RNH1: variants seen among roughly 807,000 people sequenced by gnomAD.
RNH1 encodes ribonuclease inhibitor.
A neutral mutation model predicts 46.1 loss-of-function variants in RNH1; 38 were observed. That is an observed-to-expected ratio of 0.82 (90% CI 0.64 to 1.08). The LOEUF (loss-of-function observed/expected upper bound fraction) is 1.08. Among genes scored for constraint, RNH1 ranks in the 50% least tolerant of loss-of-function variants. The pLI is 0.00. For missense variants in RNH1, 577 were observed against 590.7 expected (o/e 0.98, Z 0.24); for synonymous variants, 319 against 279.1 (o/e 1.14, Z -1.43).
chr11:499,798 G>A (rs555016961), intron 5 of RNH1, 31 bp downstream of exon 5: 1 of 1,589,770 alleles, frequency 6.3e-7, no homozygotes, highest in South Asian at 1.1e-5. Flanking sequence ...GCAGCGGCCA[G>A]CATGGGCCCT....
rs113777006 is a variant in RNH1, at chr11:503,353, G to A, written c.-87-1104C>T. The A allele has an allele frequency of 8.5e-3, 1,293 of 152,454 alleles. 22 individuals carry two copies. The highest frequency in any genetic ancestry group is 0.03 in the African/African-American group (1,232 of 41,532). 9.4% of individuals were successfully genotyped at this position (152,454 alleles called of 1,614,324 possible). On this transcript the variant is annotated intron_variant, in intron 2 of 10. Coordinates refer to ENST00000354420, the MANE Select transcript of RNH1 (RefSeq NM_203387.3). Reference sequence around the variant, plus strand: ...CTGTGTGCCTGGCACTCCTCTCCCCGGGGCTGCTTCAGAGGCGGCTGGTCC... The same window carrying A: ...CTGTGTGCCTGGCACTCCTCTCCCCAGGGCTGCTTCAGAGGCGGCTGGTCC...
intron 9 of RNH1, among the ~76,000 whole-genome samples, chr11:496,895 G>C (rs184482918): frequency 6.6e-6 from 1 of 152,410 alleles, no homozygotes; most frequent in African/African-American, 2.4e-5. Context: ...CTTCCAGGAA[G>C]ATGGACCACA....
At chr11:497,803 G>A (rs964109615) in intron 9 of RNH1, among the ~76,000 whole-genome samples, 168 bp downstream of exon 9, 2 of 150,156 alleles carry the variant, frequency 1.3e-5, no homozygotes, top group African/African-American at 4.9e-5. Context: ...GGACACCCAT[G>A]CTCACACTCA....
At position 501,976 on chromosome 11, in the gene RNH1, TC is replaced by T; in HGVS notation, c.101+85del. The T allele has an allele frequency of 1.2e-6, 1 of 821,254 alleles. No individual in the cohort carries two copies. Among genetic ancestry groups the T allele is most frequent in the Non-Finnish European group, 2.0e-6 (1 of 495,586 alleles). The allele number at this position is 821,254 out of a possible 1,614,324, so 50.9% of individuals were successfully genotyped here. On this transcript the variant is annotated intron_variant, in intron 3 of 10. Coordinates refer to ENST00000354420, the MANE Select transcript of RNH1 (RefSeq NM_203387.3). This position sits in a 1 kb window ranked among gnomAD's most constrained non-coding sequence, Gnocchi z 4.1. ...TACTTCATGTCCACAAACAAGGCGT[TC>T]CAGAGCAATGCACCCTTCAGAGGGA...
At chr11:496,853 G>A (rs1433605633) in intron 9 of RNH1, among the ~76,000 whole-genome samples, 4 of 152,248 alleles carry the variant, frequency 2.6e-5, no homozygotes, top group African/African-American at 7.2e-5. Flanking sequence ...TGACACAGGC[G>A]GGGTTCCCGC....
At chr11:495,187 C>T (rs1848948169) in intron 9 of RNH1, 134 bp from the exon 10 acceptor site, 2 of 865,092 alleles carry the variant, frequency 2.3e-6, no homozygotes, top group African/African-American at 1.7e-5. Context: ...GGGGCCGTCC[C>T]CAAGGCTCAC....
chr11:495,042 C>T lies in RNH1; in HGVS notation c.1139G>A (p.Cys380Tyr), dbSNP rs1424005337. The T allele has an allele frequency of 1.2e-6, 2 of 1,604,852 alleles. No homozygotes were observed. The highest frequency in any genetic ancestry group is 1.7e-6 in the Non-Finnish European group (2 of 1,176,518). Residue 380 changes from cysteine (C) to tyrosine (Y), a missense_variant, in exon 10 of 11, where the codon TGC (cysteine) becomes TAC (tyrosine). Coordinates refer to ENST00000354420, the MANE Select transcript of RNH1 (RefSeq NM_203387.3). ...GCTGCAGCTGCTGTCACTCACATCG[C>T]AGTCGGCCAACCTGGGTGAAGCAGG... ...SVLRVLWLAD[C>Y]DVSDSSCSSL...
rs1849418291 is a variant in RNH1, at chr11:498,823, A to C, written c.725T>G (p.Val242Gly). Reference sequence around the variant, plus strand: ...CCCTGGGCACAGCTCCGCCATGCCCACATCACCCAGCTTGTTGCTGCCCAG... The same window carrying C: ...CCCTGGGCACAGCTCCGCCATGCCCCCATCACCCAGCTTGTTGCTGCCCAG... ...LALGSNKLGDVGMAELCPGLL... is the reference protein window; with the variant it reads ...LALGSNKLGDGGMAELCPGLL... The change falls in exon 7 of 11, where the codon GTG becomes GGG. Residue 242 changes from valine (V) to glycine (G), a missense_variant. By Grantham distance (109) the Val-to-Gly change is moderately radical. Coordinates refer to ENST00000354420, the MANE Select transcript of RNH1 (RefSeq NM_203387.3). 1.9e-6 allele frequency: 3 copies of C among 1,609,980 alleles called. No homozygotes were observed. The highest frequency in any genetic ancestry group is 2.5e-6 in the Non-Finnish European group (3 of 1,179,686).
Position 499,104 on chromosome 11 carries a change from G to A in RNH1, c.525C>T (p.Leu175=). Residue 175 remains leucine (L), a synonymous_variant, in exon 6 of 11, where the codon CTC becomes CTT. Transcript: ENST00000354420. ...VLRAKPDFKE[L]TVSNNDINEA... Reference sequence around the variant, plus strand: ...CATTGATGTCGTTGTTGCTAACCGTGAGCTCCTTGAAGTCCGGCTTGGCCC... The same window carrying A: ...CATTGATGTCGTTGTTGCTAACCGTAAGCTCCTTGAAGTCCGGCTTGGCCC... 6.2e-7 allele frequency: 1 copy of A among 1,613,496 alleles called. No individual in the cohort carries two copies. Among genetic ancestry groups the A allele is most frequent in the African/African-American group, 1.3e-5 (1 of 75,034 alleles).
At chr11:497,775 TCA>T (rs1278755531) in intron 9 of RNH1, among the ~76,000 whole-genome samples, 194 bp downstream of exon 9, 1 of 150,384 alleles carries the variant, frequency 6.6e-6, no homozygotes, top group African/African-American at 2.5e-5. Context: ...GGACACGTGC[TCA>T]CTCTCACATG....
At chr11:505,544 C>G (rs1234107055) in intron 1 of RNH1, 3 of 152,180 alleles carry the variant, frequency 2.0e-5, no homozygotes, top group Admixed American at 6.5e-5. Flanking sequence ...TTGATTTTAA[C>G]CTCCTAAAAC....
intron 9 of RNH1, among the ~76,000 whole-genome samples, chr11:496,826 A>T (rs1322350588): frequency 6.6e-6 from 1 of 152,266 alleles, no homozygotes; most frequent in African/African-American, 2.4e-5. Context: ...AAAGAAAACA[A>T]ATCTGGAAAA....
Position 498,494 on chromosome 11 carries a change from T to C in RNH1, c.919A>G (p.Thr307Ala). ...AGCTGGCAGCCAGGTTCCAGCAGGG[T>C]CTCACACAGCAGTCGGGCACCCTCA... ...GDEGARLLCETLLEPGCQLES... is the reference protein window; with the variant it reads ...GDEGARLLCEALLEPGCQLES... Residue 307 changes from threonine (T) to alanine (A), a missense_variant, in exon 8 of 11, where the codon ACC becomes GCC. Coordinates refer to ENST00000354420, the MANE Select transcript of RNH1 (RefSeq NM_203387.3). 1 of 1,612,844 alleles carries C rather than the reference T, an allele frequency of 6.2e-7. No homozygotes were observed. Among genetic ancestry groups the C allele is most frequent in the Non-Finnish European group, 8.5e-7 (1 of 1,179,892 alleles).
At chr11:497,580 T>C (rs1453459134) in intron 9 of RNH1, among the ~76,000 whole-genome samples, 9 of 77,506 alleles carry the variant, frequency 1.2e-4, no homozygotes, top group Admixed American at 2.8e-4. Flanking sequence ...CACGTGCTCA[T>C]TCTTGCCCAT....
intron 9 of RNH1, among the ~76,000 whole-genome samples, chr11:496,389 G>A (rs1326542395): frequency 6.6e-6 from 1 of 152,060 alleles, no homozygotes; most frequent in African/African-American, 2.4e-5. Flanking sequence ...CAAAAATTAG[G>A]CCAGGCGTGG....
chr11:502,358 C>T lies in RNH1; in HGVS notation c.-87-109G>A, dbSNP rs983755516. 1.6e-5 allele frequency: 10 copies of T among 613,292 alleles called. No individual in the cohort carries two copies. The highest frequency in any genetic ancestry group is 2.9e-5 in the Non-Finnish European group (10 of 340,742). The allele number at this position is 613,292 out of a possible 1,614,324, so 38.0% of individuals were successfully genotyped here. A position where few individuals can be genotyped will look rare whatever the true frequency, so the allele number is the denominator to read the frequency against. On this transcript the variant is annotated intron_variant, in intron 2 of 10. Transcript: ENST00000354420. This position sits in a 1 kb window ranked among gnomAD's most constrained non-coding sequence, Gnocchi z 5.8. ...CCACCTTTGTCTCTGGAGCAGACAT[C>T]AGGGGTGGGGCAGGGGGCAGGGACC...
chr11:498,062 G>A lies in RNH1; in HGVS notation c.1036C>T (p.Leu346=). 6.2e-7 allele frequency: 1 copy of A among 1,614,176 alleles called. No individual in the cohort carries two copies. Among genetic ancestry groups the A allele is most frequent in the Non-Finnish European group, 8.5e-7 (1 of 1,180,052 alleles). Residue 346 remains leucine, a synonymous_variant, in exon 9 of 11, where the codon CTA becomes TTA. Transcript: ENST00000354420. Reference sequence around the variant, plus strand: ...TCCAGCCTGTTGTTGCTTATCTGTAGCTCCAGGAGAAACCTGTTCTGGGCC... The same window carrying A: ...TCCAGCCTGTTGTTGCTTATCTGTAACTCCAGGAGAAACCTGTTCTGGGCC... The part of the protein sequence containing the change: ...VLAQNRFLLE[L]QISNNRLEDA...
At position 500,610 on chromosome 11, in the gene RNH1, C is replaced by G. The variant is rs1455514445; in HGVS notation, c.146G>C (p.Ser49Thr). 3 of 1,609,448 alleles carry G rather than the reference C, an allele frequency of 1.9e-6. No individual in the cohort carries two copies. Among genetic ancestry groups the G allele is most frequent in the Non-Finnish European group, 2.5e-6 (3 of 1,179,978 alleles). The change falls in exon 4 of 11, where the codon AGC becomes ACC. Residue 49 changes from serine (S) to threonine (T), a missense_variant. By Grantham distance (58) the Ser-to-Thr change is moderately conservative. Coordinates refer to ENST00000354420, the MANE Select transcript of RNH1 (RefSeq NM_203387.3). ...TGCAGGGTTGACTCGAAGTGCAGAG[C>G]TGATGTCCTTGCACCGTGCTTCCGT... is the stretch of plus-strand genomic sequence containing the variant. The part of the protein sequence containing the change: ...GLTEARCKDI[S>T]SALRVNPALA...
At chr11:498,352 C>G in intron 8 of RNH1, 105 bp downstream of exon 8, 2 of 1,467,150 alleles carry the variant, frequency 1.4e-6, no homozygotes, top group South Asian at 1.3e-5. Context: ...AAGGTCGGAG[C>G]TGAGCCCAGC....
Sources: allele counts gnomAD v4.1 joint callset (sites outside exome capture counted in the v4.1 genomes callset), GRCh38; gene constraint gnomAD v4.1.1; non-coding constraint Gnocchi (gnomAD v3.1); transcripts MANE v1.5; gene names NCBI Gene and HGNC (gene_info 2026-07-23, HGNC 2026-07-21).